The following ADCY9 variants were observed in gnomAD, a reference collection of about 807,000 sequenced individuals.
ADCY9 encodes adenylate cyclase 9, also known as adenylate cyclase type 9.
In ADCY9, 50 loss-of-function variants were observed where a neutral mutation model predicts 101.5. The ratio of observed to expected loss-of-function variants is 0.49; its 90% CI spans 0.39 to 0.62. ADCY9 has a LOEUF of 0.62. Ranked by LOEUF, ADCY9 falls within the 20% of genes least tolerant of loss-of-function variation. ADCY9 has a pLI of 0.00. For missense variants in ADCY9, 1,662 were observed against 1,800.4 expected (o/e 0.92, Z 1.39); for synonymous variants, 905 against 769.3 (o/e 1.18, Z -2.92).
intron 2 of ADCY9, among the ~76,000 whole-genome samples, chr16:4,045,125 C>T (rs116674708): frequency 0.019 from 2,824 of 152,016 alleles, 94 homozygotes; most frequent in African/African-American, 0.064. Flanking sequence ...GAGTCTAGTA[C>T]CATTTTTAGA....
At chr16:3,988,910 G>A in intron 6 of ADCY9, 84 bp downstream of exon 6, 2 of 1,106,822 alleles carry the variant, frequency 1.8e-6, no homozygotes, top group Middle Eastern at 2.0e-4. Flanking sequence ...CCATCCCTTG[G>A]TAAAGCACAA....
At position 4,097,553 on chromosome 16, in the gene ADCY9, A is replaced by ATATTTTTTTT. The variant is rs1382458827; in HGVS notation, c.1693+16196_1693+16197insAAAAAAAATA. Reference sequence around the variant, plus strand: ...CATATATATATATATATATATATATATTTTTTTTTTTTTTTTTTAAGACAG... The same window carrying ATATTTTTTTT: ...CATATATATATATATATATATATATATATTTTTTTTTTTTTTTTTTTTTTTTTTAAGACAG... On this transcript the variant is annotated intron_variant, in intron 2 of 10. Transcript: ENST00000294016. 6.3e-3 allele frequency among the ~76,000 whole-genome samples: 334 copies of ATATTTTTTTT among 53,346 alleles called. 8 individuals are homozygous for ATATTTTTTTT. The highest frequency in any genetic ancestry group is 9.9e-3 in the African/African-American group (114 of 11,540). The allele number at this position is 53,346 out of a possible 152,430, so 35.0% of individuals were successfully genotyped here. A position where few individuals can be genotyped will look rare whatever the true frequency, so the allele number is the denominator to read the frequency against.
intron 2 of ADCY9, among the ~76,000 whole-genome samples, chr16:4,104,281 G>A (rs2057062243): frequency 6.6e-6 from 1 of 152,174 alleles, no homozygotes; most frequent in Non-Finnish European, 1.5e-5. Context: ...ACGTCAACAT[G>A]TGGAAGAGCT....
In ADCY9 at chr16:3,971,480, C is replaced by T. The variant is rs143044639; in HGVS notation, c.2870+3189G>A. On this transcript the variant is annotated intron_variant, in intron 10 of 10. Coordinates refer to ENST00000294016, the MANE Select transcript of ADCY9 (RefSeq NM_001116.4). ...ACCAAGAGTCCTCAGTGGGAAGACACCCTGTGCTTCACTGACTCATTTCGT... is the reference window on the plus strand; with the variant it reads ...ACCAAGAGTCCTCAGTGGGAAGACATCCTGTGCTTCACTGACTCATTTCGT... Among the ~76,000 whole-genome samples, 6 of 152,246 alleles carry T rather than the reference C, an allele frequency of 3.9e-5. No homozygotes were observed. The East Asian group carries it at 5.8e-4, about 15-fold the overall frequency.
At position 4,034,358 on chromosome 16, in the gene ADCY9, G is replaced by A. The variant is rs185438705; in HGVS notation, c.1694-26800C>T. Among the ~76,000 whole-genome samples the A allele has an allele frequency of 3.5e-4, 54 of 152,166 alleles. 1 individual carries two copies. In the South Asian group the frequency reaches 5.6e-3, roughly 16 times the overall value. ...TCCATGCCATATAATGCTACTATCC[G>A]TCTTACAACCAAAACCATGCTAACC... is the stretch of plus-strand genomic sequence containing the variant. On this transcript the variant is annotated intron_variant, in intron 2 of 10. Coordinates refer to ENST00000294016, the MANE Select transcript of ADCY9 (RefSeq NM_001116.4).
chr16:4,039,379 T>C (rs528409658), intron 2 of ADCY9, among the ~76,000 whole-genome samples: 7 of 152,194 alleles, frequency 4.6e-5, no homozygotes, highest in Non-Finnish European at 8.8e-5. Context: ...TTAAAAATGC[T>C]TTAAATGCAG....
intron 3 of ADCY9, among the ~76,000 whole-genome samples, chr16:3,994,801 C>T (rs1276471564): frequency 6.6e-6 from 1 of 152,150 alleles, no homozygotes; most frequent in Non-Finnish European, 1.5e-5. Flanking sequence ...CTCAACAAAG[C>T]TGTTATTAAG....
intron 10 of ADCY9, among the ~76,000 whole-genome samples, chr16:3,970,337 C>T (rs1453568421): frequency 1.3e-5 from 2 of 149,702 alleles, no homozygotes. Flanking sequence ...GGCCAAAACT[C>T]AATTCTTCTT....
intron 2 of ADCY9, among the ~76,000 whole-genome samples, chr16:4,089,975 A>G (rs1041668058): frequency 6.6e-6 from 1 of 152,206 alleles, no homozygotes. Context: ...AACAAACAGT[A>G]AACCACACTT....
chr16:3,966,205 T>C lies in ADCY9; in HGVS notation c.3632A>G (p.Glu1211Gly). Residue 1211 changes from glutamate (E) to glycine (G), a missense_variant, in exon 11 of 11, where the codon GAG becomes GGG. Glu to Gly is a moderately conservative substitution (Grantham distance 98). This residue lies in a region of ADCY9 where 220 missense variants were observed against 312.9 expected (regional missense o/e 0.70). Coordinates refer to ENST00000294016, the MANE Select transcript of ADCY9 (RefSeq NM_001116.4). ...GVECRIQVSE[E>G]SYRVLSKMGY... ...CATCTTGCTCAAGACGCGGTAGCTC[T>C]CTTCGCTCACCTGGATGCGGCACTC... 6.2e-7 allele frequency: 1 copy of C among 1,614,232 alleles called. No homozygotes were observed. The highest frequency in any genetic ancestry group is 8.5e-7 in the Non-Finnish European group (1 of 1,180,046).
intron 3 of ADCY9, among the ~76,000 whole-genome samples, chr16:3,997,213 C>T (rs187157820): frequency 6.6e-4 from 101 of 152,338 alleles, no homozygotes; most frequent in African/African-American, 2.2e-3. Flanking sequence ...CAGTGCCCCC[C>T]ACGGCACACT....
chr16:4,007,773 G>A (rs759201405), intron 2 of ADCY9, among the ~76,000 whole-genome samples: 42 of 151,916 alleles, frequency 2.8e-4, no homozygotes, highest in Non-Finnish European at 5.6e-4. Context: ...ACTCACCCAC[G>A]TTACGTTTTC....
At chr16:4,068,956 T>G (rs2056816934) in intron 2 of ADCY9, among the ~76,000 whole-genome samples, 1 of 152,210 alleles carries the variant, frequency 6.6e-6, no homozygotes, top group Non-Finnish European at 1.5e-5. Flanking sequence ...TCAAGTGATT[T>G]CCCACTTTCT....
rs1185653547 is a variant in ADCY9, at chr16:3,964,769, G to GT, written c.*1005_*1006insA. 2 of 152,370 alleles carry GT rather than the reference G, an allele frequency of 1.3e-5. No homozygotes were observed. The highest frequency in any genetic ancestry group is 2.9e-5 in the Non-Finnish European group (2 of 68,254). The allele number at this position is 152,370 out of a possible 1,614,324, so 9.4% of individuals were successfully genotyped here. On this transcript the variant is annotated 3_prime_UTR_variant, in exon 11 of 11. Transcript: ENST00000294016. ...GGGAGGTTGGGGGCGGCCCCAGGTG[G>GT]CCAAAACACAAAAGAGACATCTGGT...
Position 4,039,980 on chromosome 16 carries a change from G to A in ADCY9, c.1694-32422C>T, listed in dbSNP as rs558363089. 6.1e-4 allele frequency among the ~76,000 whole-genome samples: 93 copies of A among 152,166 alleles called. 1 individual carries two copies. The highest frequency in any genetic ancestry group is 1.9e-3 in the African/African-American group (80 of 41,516). ...CCTGAGCCCAGGAGGTAGGGGCTGCGGTGACCCATGATTGCACCACTGCAC... is the reference window on the plus strand; with the variant it reads ...CCTGAGCCCAGGAGGTAGGGGCTGCAGTGACCCATGATTGCACCACTGCAC... On this transcript the variant is annotated intron_variant, in intron 2 of 10. Transcript: ENST00000294016.
intron 2 of ADCY9, among the ~76,000 whole-genome samples, chr16:4,105,721 G>A (rs1015019529): frequency 1.3e-5 from 2 of 150,098 alleles, no homozygotes; most frequent in African/African-American, 2.5e-5. Flanking sequence ...GGTGGCATGC[G>A]CCTGTGTCCT....
chr16:4,096,033 T>A (rs571954728), intron 2 of ADCY9, among the ~76,000 whole-genome samples: 1 of 151,572 alleles, frequency 6.6e-6, no homozygotes. Context: ...CCCTGCTTTA[T>A]TCAGGAAACG....
At chr16:3,991,450 G>A (rs2056242980) in intron 5 of ADCY9, among the ~76,000 whole-genome samples, 1 of 151,964 alleles carries the variant, frequency 6.6e-6, no homozygotes, top group Non-Finnish European at 1.5e-5. Context: ...TAAAAGGACT[G>A]GACCTGTATT....
intron 2 of ADCY9, among the ~76,000 whole-genome samples, chr16:4,061,261 G>C (rs2056771941): frequency 6.6e-6 from 1 of 151,638 alleles, no homozygotes; most frequent in African/African-American, 2.4e-5. Context: ...AGTTTCAAAA[G>C]AAAACGAAGC....
Sources: allele counts gnomAD v4.1 joint callset (sites outside exome capture counted in the v4.1 genomes callset), GRCh38; gene constraint gnomAD v4.1.1; regional missense constraint gnomAD v4.1.1; transcripts MANE v1.5; gene names NCBI Gene and HGNC (gene_info 2026-07-23, HGNC 2026-07-21).